Variants in MADCAM1 observed in about 807,000 individuals in gnomAD.
MADCAM1 encodes mucosal addressin cell adhesion molecule 1.
A neutral mutation model predicts 26.1 loss-of-function variants in MADCAM1; 19 were observed. That is an observed-to-expected ratio of 0.73 (90% CI 0.51 to 1.07). The LOEUF (loss-of-function observed/expected upper bound fraction) is 1.07, where lower values mean the gene tolerates loss of function less well. MADCAM1 is among the 50% of genes least tolerant of loss of function. The pLI, the probability that MADCAM1 is intolerant of heterozygous loss-of-function variation, is 0.00. For synonymous variants in MADCAM1, 268 were observed against 260.9 expected (o/e 1.03, Z -0.26); for missense variants, 514 against 542.1 (o/e 0.95, Z 0.51).
chr19:504,921 G>T lies in MADCAM1; in HGVS notation c.1105G>T (p.Ala369Ser), dbSNP rs565184057. The T allele has an allele frequency of 6.2e-7, 1 of 1,612,052 alleles. No homozygotes were observed. Among genetic ancestry groups the T allele is most frequent in the Non-Finnish European group, 8.5e-7 (1 of 1,179,266 alleles). Residue 369 changes from alanine to serine, a missense_variant, in exon 5 of 5, where the codon GCT (alanine) becomes TCT (serine). Ala to Ser is a moderately conservative substitution (Grantham distance 99). Transcript: ENST00000215637. Reference protein sequence around the residue: ...LRLLPQVSAWAGLRGTGQVGI... With the variant: ...LRLLPQVSAWSGLRGTGQVGI... Reference sequence around the variant, plus strand: ...GCTTCTGCCCCAGGTGTCGGCCTGGGCTGGGTTAAGGGGGACCGGCCAGGT... The same window carrying T: ...GCTTCTGCCCCAGGTGTCGGCCTGGTCTGGGTTAAGGGGGACCGGCCAGGT...
chr19:498,135 G>T lies in MADCAM1; in HGVS notation c.337+18G>T. ...TGTGTACGGTGAGGCGTCCCCCCGC[G>T]CCCTGCCTCTCTGACCCTTGGACTC... On this transcript the variant is annotated intron_variant, in intron 2 of 4. Transcript: ENST00000215637. 7.6e-7 allele frequency: 1 copy of T among 1,312,526 alleles called. No homozygotes were observed. Among genetic ancestry groups the T allele is most frequent in the Non-Finnish European group, 9.7e-7 (1 of 1,031,254 alleles). 81.3% of individuals were successfully genotyped at this position (1,312,526 alleles called of 1,614,324 possible). A position where few individuals can be genotyped will look rare whatever the true frequency, so the allele number is the denominator to read the frequency against.
chr19:501,459 T>C, intron 3 of MADCAM1: 1 of 397,442 alleles, frequency 2.5e-6, no homozygotes, highest in Non-Finnish European at 3.9e-6. Context: ...CACTCCAGCC[T>C]GGGTAACAAG....
chr19:500,610 C>A (rs907230497), intron 3 of MADCAM1, among the ~76,000 whole-genome samples: 1 of 152,150 alleles, frequency 6.6e-6, no homozygotes, highest in Non-Finnish European at 1.5e-5. Context: ...GTGGCTCATG[C>A]TTGTAATCCC....
chr19:500,596 T>G (rs367970425), intron 3 of MADCAM1, among the ~76,000 whole-genome samples: 1 of 151,520 alleles, frequency 6.6e-6, no homozygotes, highest in East Asian at 1.9e-4. Flanking sequence ...TGTGGCCAGG[T>G]GCGGTGGCTC....
At chr19:503,356 C>T (rs188850314) in intron 4 of MADCAM1, among the ~76,000 whole-genome samples, 1,847 of 147,988 alleles carry the variant, frequency 0.012, 32 homozygotes, top group African/African-American at 0.038. Context: ...CCAAGGCGGG[C>T]GGATCACGAG....
At chr19:499,864 A>C (rs1323218619) in intron 3 of MADCAM1, 1 of 456,112 alleles carries the variant, frequency 2.2e-6, no homozygotes. Context: ...TCTCCCACTA[A>C]AGAAAAAGGG....
Position 497,768 on chromosome 19 carries a change from C to G in MADCAM1, c.53-65C>G, listed in dbSNP as rs1397959661. 7 of 1,168,176 alleles carry G rather than the reference C, an allele frequency of 6.0e-6. No individual in the cohort carries two copies. The East Asian group carries it at 2.4e-4, about 39-fold the overall frequency. 72.4% of individuals were successfully genotyped at this position (1,168,176 alleles called of 1,614,324 possible). Reference sequence around the variant, plus strand: ...CGGGGTCCGGGGGTGGAGCGGGACGCAGGGCCGGTGGCGGGGCGGGGTCCG... The same window carrying G: ...CGGGGTCCGGGGGTGGAGCGGGACGGAGGGCCGGTGGCGGGGCGGGGTCCG... On this transcript the variant is annotated intron_variant, in intron 1 of 4. Transcript: ENST00000215637.
rs751245330 is a variant in MADCAM1, at chr19:501,796, C to T, written c.795C>T (p.Pro265=). The T allele has an allele frequency of 1.3e-5, 21 of 1,564,472 alleles. No homozygotes were observed. The highest frequency in any genetic ancestry group is 4.7e-5 in the South Asian group (4 of 85,822). The change falls in exon 4 of 5, where the codon CCC becomes CCT. Residue 265 remains proline (P), a synonymous_variant. Transcript: ENST00000215637. The stretch of plus-strand genomic sequence containing the variant: ...CCGACACCACCTCCCCGGAGCCTCC[C>T]GACAAGACCTCCCCGGAGCCCGCCC... ...EPPDTTSPEP[P]DKTSPEPAPQ...
At chr19:502,309 T>C (rs1305153070) in intron 4 of MADCAM1, among the ~76,000 whole-genome samples, 3 of 149,966 alleles carry the variant, frequency 2.0e-5, no homozygotes, top group Admixed American at 1.3e-4. Flanking sequence ...ATTTCTTTCC[T>C]TTTTTTTTGT....
At chr19:501,223 C>T (rs1173117296) in intron 3 of MADCAM1, among the ~76,000 whole-genome samples, 3 of 150,188 alleles carry the variant, frequency 2.0e-5, no homozygotes, top group Non-Finnish European at 4.4e-5. Context: ...TGGTGGCTCA[C>T]GCCTGTAATC....
At chr19:504,553 T>C (rs758398679) in intron 4 of MADCAM1, among the ~76,000 whole-genome samples, 192 bp from the exon 5 acceptor site, 2 of 152,196 alleles carry the variant, frequency 1.3e-5, no homozygotes, top group Admixed American at 6.5e-5. Context: ...CCACCCCGCC[T>C]GGCCTGGACT....
At position 498,717 on chromosome 19, in the gene MADCAM1, G is replaced by A. The variant is rs762488496; in HGVS notation, c.559G>A (p.Glu187Lys). The A allele has an allele frequency of 1.2e-5, 18 of 1,457,474 alleles. No individual in the cohort carries two copies. In the Admixed American group the frequency reaches 4.8e-4, roughly 39 times the overall value. The allele number at this position is 1,457,474 out of a possible 1,614,324, so 90.3% of individuals were successfully genotyped here. The change falls in exon 3 of 5, where the codon GAG (glutamate) becomes AAG (lysine). Residue 187 changes from glutamate to lysine, a missense_variant. Coordinates refer to ENST00000215637, the MANE Select transcript of MADCAM1 (RefSeq NM_130760.3). ...GDEDVLFRVTERWRLPPLGTP... is the reference protein window; with the variant it reads ...GDEDVLFRVTKRWRLPPLGTP... ...CGAGGACGTGCTGTTCAGGGTGACA[G>A]AGCGCTGGCGGCTGCCGCCCCTGGG...
intron 4 of MADCAM1, 63 bp downstream of exon 4, chr19:501,992 T>A: frequency 7.1e-7 from 1 of 1,404,226 alleles, no homozygotes; most frequent in South Asian, 1.6e-5. Flanking sequence ...GTTCCTTGGA[T>A]GAAGACTTTA....
intron 3 of MADCAM1, among the ~76,000 whole-genome samples, chr19:500,771 G>A (rs1254966091): frequency 6.6e-6 from 1 of 152,190 alleles, no homozygotes; most frequent in African/African-American, 2.4e-5. Context: ...TCAGGAGGCT[G>A]AGGCGGGAGA....
In MADCAM1 at chr19:503,338, T is replaced by G. The variant is rs555559044; in HGVS notation, c.929-1407T>G. Among the ~76,000 whole-genome samples the G allele has an allele frequency of 9.3e-5, 14 of 150,202 alleles. No homozygotes were observed. In the East Asian group the frequency reaches 2.8e-3, roughly 30 times the overall value. On this transcript the variant is annotated intron_variant, in intron 4 of 4. Coordinates refer to ENST00000215637, the MANE Select transcript of MADCAM1 (RefSeq NM_130760.3). Reference sequence around the variant, plus strand: ...GGCTTATGCCTGTAATCCCTGCACTTTGGGAGGCCAAGGCGGGCGGATCAC... The same window carrying G: ...GGCTTATGCCTGTAATCCCTGCACTGTGGGAGGCCAAGGCGGGCGGATCAC...
chr19:499,271 C>A (rs1242800696), intron 3 of MADCAM1: 1 of 461,806 alleles, frequency 2.2e-6, no homozygotes, highest in Non-Finnish European at 4.3e-6. Flanking sequence ...ACCCTTCTTC[C>A]GGATCTTTCC....
rs1486333431 is a variant in MADCAM1 at position 498,058 on chromosome 19, T to C, written c.278T>C (p.Val93Ala). ...TCGCTGTCGGCGGCCGGGACCCGCG[T>C]GTGCGTGGGCTCCTGCGGGGGCCGC... ...NASLSAAGTR[V>A]CVGSCGGRTF... The change falls in exon 2 of 5, where the codon GTG (valine) becomes GCG (alanine). Residue 93 changes from valine to alanine, a missense_variant. Physicochemically the swap from Val to Ala is moderately conservative, Grantham distance 64. This residue lies in a region of MADCAM1 where 317 missense variants were observed against 313.6 expected (regional missense o/e 1.01). Transcript: ENST00000215637. The C allele has an allele frequency of 6.8e-7, 1 of 1,475,136 alleles. No individual in the cohort carries two copies. The highest frequency in any genetic ancestry group is 2.3e-5 in the Admixed American group (1 of 42,770). The allele number at this position is 1,475,136 out of a possible 1,614,324, so 91.4% of individuals were successfully genotyped here. A position where few individuals can be genotyped will look rare whatever the true frequency, so the allele number is the denominator to read the frequency against.
intron 4 of MADCAM1, among the ~76,000 whole-genome samples, chr19:502,770 A>C (rs1408344148): frequency 1.3e-5 from 2 of 152,222 alleles, no homozygotes; most frequent in Non-Finnish European, 2.9e-5. Flanking sequence ...AGACATATTT[A>C]TCCCTCACAC....
chr19:504,946 T>C lies in MADCAM1; in HGVS notation c.1130T>C (p.Val377Ala). ...GCTGGGTTAAGGGGGACCGGCCAGGTCGGGATCAGCCCCTCCTGAGTGGCC... is the reference window on the plus strand; with the variant it reads ...GCTGGGTTAAGGGGGACCGGCCAGGCCGGGATCAGCCCCTCCTGAGTGGCC... ...AWAGLRGTGQ[V>A]GISPS Residue 377 changes from valine to alanine, a missense_variant, in exon 5 of 5, where the codon GTC becomes GCC. Transcript: ENST00000215637. The C allele has an allele frequency of 1.3e-6, 2 of 1,599,480 alleles. No homozygotes were observed. The highest frequency in any genetic ancestry group is 2.2e-5 in the East Asian group (1 of 44,482).
Sources: allele counts gnomAD v4.1 joint callset (sites outside exome capture counted in the v4.1 genomes callset), GRCh38; gene constraint gnomAD v4.1.1; regional missense constraint gnomAD v4.1.1; transcripts MANE v1.5; gene names NCBI Gene and HGNC (gene_info 2026-07-23, HGNC 2026-07-21).